The following GRIN2A variants were observed in gnomAD, a reference collection of about 807,000 sequenced individuals.
The protein encoded by GRIN2A is glutamate receptor ionotropic, NMDA 2A.
A neutral mutation model predicts 113.4 loss-of-function variants in GRIN2A; 22 were observed. The observed-to-expected ratio is 0.19, with a 90% confidence interval of 0.14 to 0.28. GRIN2A has a LOEUF of 0.28. GRIN2A is among the 10% of genes least tolerant of loss of function. The pLI, the probability that GRIN2A is intolerant of heterozygous loss-of-function variation, is 1.00. For missense variants in GRIN2A, 1,502 were observed against 1,887.0 expected, an observed-to-expected ratio of 0.80 and a Z score of 3.78; for synonymous variants, 827 against 738.4, an observed-to-expected ratio of 1.12 and a Z score of -1.94.
At chr16:10,151,916 G>C (rs1301277603) in intron 2 of GRIN2A, among the ~76,000 whole-genome samples, 1 of 152,160 alleles carries the variant, frequency 6.6e-6, no homozygotes, top group South Asian at 2.1e-4. Context: ...GGCAGCTGCA[G>C]GTGAGATATT....
At chr16:10,179,898 C>CAAA in intron 2 of GRIN2A, 100 bp downstream of exon 2, 1 of 490,230 alleles carries the variant, frequency 2.0e-6, no homozygotes, top group Non-Finnish European at 4.0e-6. Context: ...ACCCCCACTT[C>CAAA]ACATCAAGAC....
intron 2 of GRIN2A, among the ~76,000 whole-genome samples, chr16:10,034,866 G>A (rs1363612837): frequency 1.3e-5 from 2 of 152,116 alleles, no homozygotes; most frequent in Non-Finnish European, 2.9e-5. Flanking sequence ...AGTCCTAATA[G>A]GTCAGCTAAT....
intron 2 of GRIN2A, among the ~76,000 whole-genome samples, chr16:9,970,229 C>A (rs1428745491): frequency 6.6e-6 from 1 of 152,138 alleles, no homozygotes; most frequent in East Asian, 1.9e-4. Flanking sequence ...TTTATTAGCA[C>A]TATTCCAGAA....
chr16:9,848,195 T>C (rs1003486798), intron 5 of GRIN2A, among the ~76,000 whole-genome samples: 3 of 149,640 alleles, frequency 2.0e-5, no homozygotes, highest in Non-Finnish European at 4.4e-5. Flanking sequence ...AAATGTATAA[T>C]GTTTATATAT....
intron 10 of GRIN2A, among the ~76,000 whole-genome samples, chr16:9,803,780 T>A (rs2041911848): frequency 6.6e-6 from 1 of 152,164 alleles, no homozygotes; most frequent in Non-Finnish European, 1.5e-5. Context: ...AAAAGTGGCA[T>A]TGGAACCTAT....
At chr16:9,771,553 C>G (rs1164237769) in intron 11 of GRIN2A, among the ~76,000 whole-genome samples, 1 of 150,546 alleles carries the variant, frequency 6.6e-6, no homozygotes, top group Non-Finnish European at 1.5e-5. Flanking sequence ...TCAGATTACT[C>G]CCCCCCACCC....
At chr16:9,978,069 T>C (rs1164379159) in intron 2 of GRIN2A, among the ~76,000 whole-genome samples, 1 of 152,160 alleles carries the variant, frequency 6.6e-6, no homozygotes, top group Non-Finnish European at 1.5e-5. Context: ...TTCACCTTTC[T>C]GAGCCTTTTC....
chr16:9,985,930 G>C (rs934391175), intron 2 of GRIN2A, among the ~76,000 whole-genome samples: 1 of 152,118 alleles, frequency 6.6e-6, no homozygotes, highest in Non-Finnish European at 1.5e-5. Context: ...TTGTATGCTT[G>C]TATCGAAGTA....
intron 5 of GRIN2A, 22 bp downstream of exon 5, chr16:9,849,734 T>C: frequency 6.3e-7 from 1 of 1,588,048 alleles, no homozygotes; most frequent in Non-Finnish European, 8.6e-7. Context: ...CACGTTCAGG[T>C]GACAGCATTC....
At chr16:10,172,122 T>A (rs145504478) in intron 2 of GRIN2A, among the ~76,000 whole-genome samples, 227 of 152,312 alleles carry the variant, frequency 1.5e-3, no homozygotes, top group Non-Finnish European at 2.5e-3. Context: ...CTGGAAGAGA[T>A]CTTAGTGATA....
chr16:10,029,404 G>C (rs2046887673), intron 2 of GRIN2A, among the ~76,000 whole-genome samples: 1 of 152,130 alleles, frequency 6.6e-6, no homozygotes, highest in South Asian at 2.1e-4. Context: ...ATGTTGGTCA[G>C]GCTGGCCTCA....
Position 9,756,125 on chromosome 16 carries a change from T to A in GRIN2A, c.*7024A>T, listed in dbSNP as rs949659661. 1 of 191,316 alleles carries A rather than the reference T, an allele frequency of 5.2e-6. No individual in the cohort carries two copies. The highest frequency in any genetic ancestry group is 1.1e-5 in the Non-Finnish European group (1 of 92,372). 11.9% of individuals were successfully genotyped at this position (191,316 alleles called of 1,614,324 possible). On this transcript the variant is annotated 3_prime_UTR_variant, in exon 13 of 13. Coordinates refer to ENST00000330684, the MANE Select transcript of GRIN2A (RefSeq NM_001134407.3). ...GGACTTTAATGGAGGGTCACATGGCTGTGTGTGTGTGTGTGCATACCCACA... is the reference window on the plus strand; with the variant it reads ...GGACTTTAATGGAGGGTCACATGGCAGTGTGTGTGTGTGTGCATACCCACA...
chr16:9,795,671 T>C (rs13334004), intron 11 of GRIN2A, among the ~76,000 whole-genome samples: 296 of 152,332 alleles, frequency 1.9e-3, no homozygotes, highest in African/African-American at 6.5e-3. Flanking sequence ...TAAGCTAAGC[T>C]ATGCACTTTA....
At chr16:10,135,707 T>C (rs934053589) in intron 2 of GRIN2A, among the ~76,000 whole-genome samples, 1 of 152,172 alleles carries the variant, frequency 6.6e-6, no homozygotes, top group African/African-American at 2.4e-5. Context: ...AGGCTGGAAC[T>C]TCTGGGCATG....
At position 10,061,627 on chromosome 16, in the gene GRIN2A, G is replaced by A. The variant is rs992531937; in HGVS notation, c.414+118371C>T. Among the ~76,000 whole-genome samples the A allele has an allele frequency of 2.0e-5, 3 of 152,158 alleles. No individual in the cohort carries two copies. The South Asian group carries it at 6.2e-4, about 32-fold the overall frequency. On this transcript the variant is annotated intron_variant, in intron 2 of 12. Coordinates refer to ENST00000330684, the MANE Select transcript of GRIN2A (RefSeq NM_001134407.3). ...TGAAGTCAGTCTGGGGCAGAGAGAG[G>A]TGGTGTGATATTATATATGTCATTA... is the stretch of plus-strand genomic sequence containing the variant.
chr16:10,152,270 C>A (rs983196511), intron 2 of GRIN2A, among the ~76,000 whole-genome samples: 2 of 152,054 alleles, frequency 1.3e-5, no homozygotes, highest in Non-Finnish European at 2.9e-5. Flanking sequence ...AATACAAACA[C>A]CCCATGCTCC....
At chr16:10,058,697 C>A (rs1567268710) in intron 2 of GRIN2A, among the ~76,000 whole-genome samples, 1 of 152,322 alleles carries the variant, frequency 6.6e-6, no homozygotes, top group South Asian at 2.1e-4. Flanking sequence ...CCCTTAGGGG[C>A]CCGTTTATGT....
At chr16:10,093,769 TGA>T (rs1428222620) in intron 2 of GRIN2A, among the ~76,000 whole-genome samples, 2 of 152,154 alleles carry the variant, frequency 1.3e-5, no homozygotes, top group African/African-American at 2.4e-5. Flanking sequence ...CTCTTGACTT[TGA>T]GTTTGATCAC....
At chr16:9,863,827 T>A (rs1255594553) in intron 4 of GRIN2A, among the ~76,000 whole-genome samples, 1 of 152,212 alleles carries the variant, frequency 6.6e-6, no homozygotes, top group Non-Finnish European at 1.5e-5. Context: ...TATCTGCATC[T>A]GTTATTATAA....
Sources: allele counts gnomAD v4.1 joint callset (sites outside exome capture counted in the v4.1 genomes callset), GRCh38; gene constraint gnomAD v4.1.1; transcripts MANE v1.5; gene names NCBI Gene and HGNC (gene_info 2026-07-23, HGNC 2026-07-21).